PDPR: variants seen among roughly 807,000 people sequenced by gnomAD.
The protein encoded by PDPR is pyruvate dehydrogenase phosphatase regulatory subunit.
In PDPR, 50 loss-of-function variants were observed where a neutral mutation model predicts 102.2. That is an observed-to-expected ratio of 0.49 (90% CI 0.39 to 0.62). The LOEUF is 0.62. Among genes scored for constraint, PDPR ranks in the 20% least tolerant of loss-of-function variants. The probability of loss-of-function intolerance (pLI) is 0.00; values close to 1 mark genes in which losing one functional copy is unlikely to be tolerated. For missense variants in PDPR, 625 were observed against 1,098.2 expected, an observed-to-expected ratio of 0.57 and a Z score of 6.09; for synonymous variants, 259 against 406.0, an observed-to-expected ratio of 0.64 and a Z score of 4.35.
chr16:70,161,203 C>T lies in PDPR; in HGVS notation c.*4324C>T, dbSNP rs1028737820. ...CAGTGAGGTGGGAGAATTGCTTGAA[C>T]CCAGGAGGCAGAGGTTGCAGTGAGC... On this transcript the variant is annotated 3_prime_UTR_variant, in exon 19 of 19. Transcript: ENST00000288050. 2.0e-5 allele frequency: 3 copies of T among 151,836 alleles called. No homozygotes were observed. The Admixed American group carries it at 2.0e-4, about 10-fold the overall frequency. 9.4% of individuals were successfully genotyped at this position (151,836 alleles called of 1,614,324 possible).
In PDPR at chr16:70,161,273, T is replaced by G. The variant is rs1967759208; in HGVS notation, c.*4394T>G. Reference sequence around the variant, plus strand: ...TCCAGCCTGGGTAACAGAGTGAGACTCTTGTCTCAAAAAAAAAAAAAAAAA... The same window carrying G: ...TCCAGCCTGGGTAACAGAGTGAGACGCTTGTCTCAAAAAAAAAAAAAAAAA... On this transcript the variant is annotated 3_prime_UTR_variant, in exon 19 of 19. Transcript: ENST00000288050. 7.0e-6 allele frequency: 1 copy of G among 142,434 alleles called. No individual in the cohort carries two copies. The highest frequency in any genetic ancestry group is 2.6e-5 in the African/African-American group (1 of 38,260). 8.8% of individuals were successfully genotyped at this position (142,434 alleles called of 1,614,324 possible).
At chr16:70,129,604 C>G (rs1425273209) in intron 6 of PDPR, among the ~76,000 whole-genome samples, 1 of 152,274 alleles carries the variant, frequency 6.6e-6, no homozygotes, top group Non-Finnish European at 1.5e-5. Flanking sequence ...CTGCCTCGGC[C>G]TCCCTAAGTG....
At chr16:70,122,146 C>T (rs1261668843) in intron 3 of PDPR, among the ~76,000 whole-genome samples, 1 of 152,240 alleles carries the variant, frequency 6.6e-6, no homozygotes, top group Non-Finnish European at 1.5e-5. Flanking sequence ...ACCACCATGC[C>T]CGGCTAATTT....
At chr16:70,136,540 C>T (rs1437630244) in intron 10 of PDPR, among the ~76,000 whole-genome samples, 154 bp downstream of exon 10, 1 of 151,828 alleles carries the variant, frequency 6.6e-6, no homozygotes, top group Non-Finnish European at 1.5e-5. Flanking sequence ...GGAGTTGTCC[C>T]CTTCTAAGTA....
chr16:70,119,930 T>G (rs1356850264), intron 2 of PDPR, among the ~76,000 whole-genome samples: 3 of 148,610 alleles, frequency 2.0e-5, no homozygotes, highest in African/African-American at 7.5e-5. Flanking sequence ...GTTTGTTTTT[T>G]TTTTGAGACG....
chr16:70,114,023 C>T (rs1300462273), upstream of PDPR: 1 of 152,194 alleles, frequency 6.6e-6, no homozygotes, highest in Non-Finnish European at 1.5e-5. Context: ...GGCCTGCGAT[C>T]ATCTCAGATG....
chr16:70,137,834 A>G (rs1178492491), intron 10 of PDPR, among the ~76,000 whole-genome samples: 2 of 152,268 alleles, frequency 1.3e-5, no homozygotes, highest in East Asian at 1.9e-4. Flanking sequence ...TATTTAGAGT[A>G]TATTTGTATG....
intron 13 of PDPR, among the ~76,000 whole-genome samples, chr16:70,143,146 G>A (rs1246591402): frequency 2.0e-5 from 3 of 152,078 alleles, no homozygotes; most frequent in Admixed American, 1.3e-4. Context: ...CTGAGATTGC[G>A]CCACTGCACT....
chr16:70,135,092 T>C (rs1482935026), intron 9 of PDPR, among the ~76,000 whole-genome samples: 7 of 142,668 alleles, frequency 4.9e-5, no homozygotes, highest in Non-Finnish European at 9.6e-5. Context: ...GAGAGTAGTA[T>C]GATGAGCCCC....
In PDPR at chr16:70,157,069, C is replaced by T; in HGVS notation, c.*190C>T. On this transcript the variant is annotated 3_prime_UTR_variant, in exon 19 of 19. Coordinates refer to ENST00000288050, the MANE Select transcript of PDPR (RefSeq NM_017990.5). ...TCTGCAGCCTTCCTTGCCCTTCCAC[C>T]TCCTCCTCCTAATATTCACTCTGGG... The T allele has an allele frequency of 1.2e-6, 1 of 802,304 alleles. No individual in the cohort carries two copies. The highest frequency in any genetic ancestry group is 2.1e-6 in the Non-Finnish European group (1 of 478,672). The allele number at this position is 802,304 out of a possible 1,614,324, so 49.7% of individuals were successfully genotyped here.
At chr16:70,155,069 G>A (rs1440096842) in intron 18 of PDPR, among the ~76,000 whole-genome samples, 2 of 152,178 alleles carry the variant, frequency 1.3e-5, no homozygotes, top group Non-Finnish European at 2.9e-5. Flanking sequence ...GCAGGCACCT[G>A]TAATCCCAGC....
chr16:70,122,614 G>A (rs1409021318), intron 3 of PDPR, among the ~76,000 whole-genome samples: 1 of 152,260 alleles, frequency 6.6e-6, no homozygotes, highest in Non-Finnish European at 1.5e-5. Context: ...TAATGGGCCA[G>A]TGCCCTTTGA....
intron 15 of PDPR, chr16:70,145,744 A>G (rs1404345528): frequency 2.2e-6 from 1 of 458,218 alleles, no homozygotes; most frequent in Non-Finnish European, 4.2e-6. Context: ...TGCTTTCCTT[A>G]TCTAGTAAGC....
intron 2 of PDPR, among the ~76,000 whole-genome samples, chr16:70,119,353 A>AT (rs1427697733): frequency 6.6e-6 from 1 of 151,982 alleles, no homozygotes; most frequent in Non-Finnish European, 1.5e-5. Flanking sequence ...CGCCAAAAAA[A>AT]ACAAAGAAAA....
At chr16:70,147,290 A>G (rs1966315364) in intron 16 of PDPR, among the ~76,000 whole-genome samples, 2 of 149,534 alleles carry the variant, frequency 1.3e-5, no homozygotes, top group African/African-American at 4.9e-5. Flanking sequence ...GCATTAGGAT[A>G]TCTTTGAAGT....
intron 3 of PDPR, among the ~76,000 whole-genome samples, chr16:70,125,737 G>A (rs1248980107): frequency 2.0e-5 from 3 of 152,056 alleles, no homozygotes; most frequent in African/African-American, 7.2e-5. Flanking sequence ...GGGTTCAGGC[G>A]ATCCTCCTGC....
chr16:70,129,111 C>G lies in PDPR; in HGVS notation c.596C>G (p.Ala199Gly). 6.2e-7 allele frequency: 1 copy of G among 1,613,892 alleles called. No individual in the cohort carries two copies. Among genetic ancestry groups the G allele is most frequent in the Non-Finnish European group, 8.5e-7 (1 of 1,179,742 alleles). The change falls in exon 6 of 19, where the codon GCC becomes GGC. Residue 199 changes from alanine to glycine, a missense_variant. This residue lies in a region of PDPR where 35 missense variants were observed against 63.5 expected (regional missense o/e 0.55). Transcript: ENST00000288050. ...ADVALALASA[A>G]SQNGVQIYDR... ...GTGGCTCTTGCCCTGGCAAGTGCTG[C>G]CTCCCAAAATGGTGAGCAGGTTTTT...
chr16:70,128,361 G>T (rs1964192708), intron 4 of PDPR, among the ~76,000 whole-genome samples: 1 of 152,236 alleles, frequency 6.6e-6, no homozygotes, highest in African/African-American at 2.4e-5. Context: ...CCCGGTAGCT[G>T]GGATTACAGG....
chr16:70,146,058 A>G, intron 15 of PDPR, 76 bp from the exon 16 acceptor site: 3 of 1,588,220 alleles, frequency 1.9e-6, no homozygotes, highest in Admixed American at 1.7e-5. Context: ...TAGCTGAGCA[A>G]GTCTACAGTA....
Sources: gnomAD v4.1 joint callset for allele counts (sites outside exome capture counted in the v4.1 genomes callset) on GRCh38, gnomAD v4.1.1 for gene constraint, gnomAD v4.1.1 regional missense constraint, MANE v1.5 for transcripts, NCBI Gene and HGNC (gene_info 2026-07-23, HGNC 2026-07-21) for gene names.